DAB1: variants seen among roughly 807,000 people sequenced by gnomAD.
The protein encoded by DAB1 is disabled homolog 1.
DAB1 carries 15 observed loss-of-function variants against 64.6 expected under a neutral mutation model. The ratio of observed to expected loss-of-function variants is 0.23; its 90% CI spans 0.16 to 0.36. DAB1 has a LOEUF of 0.36. Among genes scored for constraint, DAB1 ranks in the 10% least tolerant of loss-of-function variants. DAB1 has a pLI of 1.00. For synonymous variants in DAB1, 235 were observed against 251.9 expected, an observed-to-expected ratio of 0.93 and a Z score of 0.64; for missense variants, 596 against 706.7, an observed-to-expected ratio of 0.84 and a Z score of 1.78.
chr1:57,461,640 C>T (rs187264359), intron 7 of DAB1, among the ~76,000 whole-genome samples: 23 of 152,284 alleles, frequency 1.5e-4, no homozygotes, highest in Non-Finnish European at 1.0e-4. Flanking sequence ...GTCAGGAATG[C>T]CCCCAACTGC....
chr1:57,215,400 G>T (rs1557955251), intron 2 of DAB1, among the ~76,000 whole-genome samples: 1 of 152,182 alleles, frequency 6.6e-6, no homozygotes, highest in Non-Finnish European at 1.5e-5. Context: ...AGGAAACAAA[G>T]TGCCACTCAA....
chr1:58,244,051 T>C (rs1660421401), intron 4 of DAB1, among the ~76,000 whole-genome samples: 1 of 152,186 alleles, frequency 6.6e-6, no homozygotes, highest in South Asian at 2.1e-4. Context: ...AGAACAGATG[T>C]TGAGACCAGA....
chr1:57,871,432 A>G (rs1183571714), intron 1 of DAB1, among the ~76,000 whole-genome samples: 1 of 152,168 alleles, frequency 6.6e-6, no homozygotes, highest in African/African-American at 2.4e-5. Flanking sequence ...CAGAGAAATT[A>G]TCTTTCCGAA....
chr1:57,548,288 TGAG>T (rs2101468621), intron 7 of DAB1, among the ~76,000 whole-genome samples: 1 of 152,290 alleles, frequency 6.6e-6, no homozygotes, highest in Admixed American at 6.5e-5. Flanking sequence ...ATTTTATAGA[TGAG>T]GAGCTTGAAT....
At chr1:58,435,308 C>T (rs907138231) in intron 3 of DAB1, among the ~76,000 whole-genome samples, 31 of 152,154 alleles carry the variant, frequency 2.0e-4, no homozygotes, top group African/African-American at 7.0e-4. Flanking sequence ...TTATCTTTCT[C>T]CTGTATACTC....
At chr1:58,147,833 C>T (rs1654692995) in intron 5 of DAB1, among the ~76,000 whole-genome samples, 1 of 151,976 alleles carries the variant, frequency 6.6e-6, no homozygotes, top group South Asian at 2.1e-4. Flanking sequence ...TTATTAAGTC[C>T]ATTTTGCAGT....
chr1:57,086,515 A>G (rs1359870658), intron 4 of DAB1, among the ~76,000 whole-genome samples: 1 of 152,092 alleles, frequency 6.6e-6, no homozygotes, highest in African/African-American at 2.4e-5. Flanking sequence ...AGTTTGGCAA[A>G]GTGTTTGTGA....
chr1:57,574,848 G>A (rs1325334304), intron 7 of DAB1, among the ~76,000 whole-genome samples: 3 of 152,174 alleles, frequency 2.0e-5, no homozygotes, highest in Non-Finnish European at 4.4e-5. Flanking sequence ...CTCCTGGGTA[G>A]CTCCTGGAAA....
intron 1 of DAB1, among the ~76,000 whole-genome samples, chr1:57,305,973 AAAAAAAAAAAAAG>A (rs1674115488): frequency 6.7e-6 from 1 of 148,490 alleles, no homozygotes; most frequent in African/African-American, 2.5e-5. Context: ...CGTCTCAAAA[AAAAAAAAAAAAAG>A]AAAAAAGAAA....
chr1:57,915,852 G>A (rs1443303093), intron 5 of DAB1, among the ~76,000 whole-genome samples: 1 of 152,142 alleles, frequency 6.6e-6, no homozygotes, highest in African/African-American at 2.4e-5. Context: ...TTCATCTTGG[G>A]AAGAGCTCTC....
intron 4 of DAB1, among the ~76,000 whole-genome samples, chr1:58,241,164 C>T (rs6587804): frequency 0.44 from 67,427 of 151,846 alleles, 17,715 homozygotes; most frequent in Non-Finnish European, 0.61. Context: ...TATGATATTT[C>T]GAGTCATACT....
At chr1:57,126,494 T>A (rs1378043942) in intron 4 of DAB1, among the ~76,000 whole-genome samples, 7 of 152,158 alleles carry the variant, frequency 4.6e-5, no homozygotes, top group African/African-American at 1.7e-4. Context: ...AAAAAAGAGA[T>A]AATACCTCTA....
chr1:57,903,403 T>A (rs1475025572), intron 5 of DAB1, among the ~76,000 whole-genome samples: 1 of 152,288 alleles, frequency 6.6e-6, no homozygotes, highest in South Asian at 2.1e-4. Flanking sequence ...GGTTCCTTTT[T>A]GTGTTATTCA....
chr1:57,146,088 C>T (rs1570777046), intron 2 of DAB1, among the ~76,000 whole-genome samples: 1 of 152,230 alleles, frequency 6.6e-6, no homozygotes, highest in East Asian at 1.9e-4. Context: ...TGCTAAGACA[C>T]ATCAACCAGG....
intron 3 of DAB1, among the ~76,000 whole-genome samples, chr1:58,429,977 G>T (rs1035930621): frequency 2.0e-5 from 3 of 152,182 alleles, no homozygotes; most frequent in Non-Finnish European, 4.4e-5. Context: ...CCCAGGTCTT[G>T]TCAATGTCAC....
intron 3 of DAB1, among the ~76,000 whole-genome samples, chr1:58,351,087 T>G (rs982681148): frequency 6.6e-6 from 1 of 152,194 alleles, no homozygotes; most frequent in African/African-American, 2.4e-5. Context: ...TTCCTATCCA[T>G]GAGCATGGAA....
intron 1 of DAB1, among the ~76,000 whole-genome samples, chr1:57,337,961 C>T (rs1198079961): frequency 1.3e-5 from 2 of 148,312 alleles, no homozygotes; most frequent in Non-Finnish European, 3.0e-5. Context: ...TCTTCTCTCT[C>T]TTTTCTCCCT....
At chr1:57,931,503 G>C (rs1339439788) in intron 5 of DAB1, among the ~76,000 whole-genome samples, 1 of 152,180 alleles carries the variant, frequency 6.6e-6, no homozygotes, top group Non-Finnish European at 1.5e-5. Context: ...GTTTCGCAAG[G>C]TTATTGTTGA....
chr1:57,631,194 G>T (rs962779456), intron 7 of DAB1, among the ~76,000 whole-genome samples: 2 of 152,166 alleles, frequency 1.3e-5, no homozygotes, highest in Non-Finnish European at 2.9e-5. Context: ...GTCATGGAAG[G>T]AAGGGTTGTT....
Sources: gnomAD v4.1 joint callset for allele counts (sites outside exome capture counted in the v4.1 genomes callset) on GRCh38, gnomAD v4.1.1 for gene constraint, MANE v1.5 for transcripts, NCBI Gene and HGNC (gene_info 2026-07-23, HGNC 2026-07-21) for gene names.